EXOC4: variants seen among roughly 807,000 people sequenced by gnomAD.
EXOC4 encodes exocyst complex component 4.
EXOC4 carries 71 observed loss-of-function variants against 107.2 expected under a neutral mutation model. The observed-to-expected ratio is 0.66, with a 90% CI of 0.55 to 0.81. The LOEUF (loss-of-function observed/expected upper bound fraction) is 0.81, where lower values mean the gene tolerates loss of function less well. Ranked by LOEUF, EXOC4 falls within the 30% of genes least tolerant of loss-of-function variation. The pLI, the probability that EXOC4 is intolerant of heterozygous loss-of-function variation, is 0.00. For synonymous variants in EXOC4, 456 were observed against 441.2 expected (o/e 1.03, Z -0.42); for missense variants, 1,108 against 1,189.6 (o/e 0.93, Z 1.01).
At chr7:133,424,181 G>C (rs547051618) in intron 7 of EXOC4, among the ~76,000 whole-genome samples, 1 of 152,124 alleles carries the variant, frequency 6.6e-6, no homozygotes, top group East Asian at 1.9e-4. Context: ...CACCTTCCAC[G>C]CTCTGGTAGC....
chr7:133,857,884 T>C (rs1798452159), intron 11 of EXOC4, among the ~76,000 whole-genome samples: 1 of 152,058 alleles, frequency 6.6e-6, no homozygotes, highest in Non-Finnish European at 1.5e-5. Flanking sequence ...GGGAGGCATG[T>C]CTTTGCCTCA....
rs1231284613 is a variant in EXOC4 at position 133,823,863 on chromosome 7, AT to A, written c.1734+6320del. Among the ~76,000 whole-genome samples, 159 of 17,030 alleles carry A rather than the reference AT, an allele frequency of 9.3e-3. 8 individuals carry two copies. Among genetic ancestry groups the A allele is most frequent in the African/African-American group, 0.084 (136 of 1,624 alleles). The allele number at this position is 17,030 out of a possible 152,430, so 11.2% of individuals were successfully genotyped here. A position where few individuals can be genotyped will look rare whatever the true frequency, so the allele number is the denominator to read the frequency against. On this transcript the variant is annotated intron_variant, in intron 11 of 17. Coordinates refer to ENST00000253861, the MANE Select transcript of EXOC4 (RefSeq NM_021807.4). ...ATATATTATATATATATATATATAT[AT>A]ATATATATTATATATATATATATAT...
At chr7:133,738,127 G>T (rs998850523) in intron 10 of EXOC4, among the ~76,000 whole-genome samples, 2 of 151,784 alleles carry the variant, frequency 1.3e-5, no homozygotes, top group Admixed American at 6.6e-5. Flanking sequence ...GGTCAGACTG[G>T]TCTCGGACCC....
intron 5 of EXOC4, among the ~76,000 whole-genome samples, chr7:133,349,163 C>T (rs190827085): frequency 7.9e-5 from 12 of 151,590 alleles, no homozygotes; most frequent in Admixed American, 2.0e-4. Flanking sequence ...CGTCACATAC[C>T]ATAAAGCCTA....
chr7:133,763,370 A>C (rs1340336739), intron 10 of EXOC4, among the ~76,000 whole-genome samples: 2 of 152,292 alleles, frequency 1.3e-5, no homozygotes, highest in South Asian at 2.1e-4. Flanking sequence ...TCCATGACTT[A>C]GGAAAAAAAT....
At chr7:133,490,080 A>C (rs1287806236) in intron 9 of EXOC4, among the ~76,000 whole-genome samples, 1 of 152,154 alleles carries the variant, frequency 6.6e-6, no homozygotes, top group African/African-American at 2.4e-5. Flanking sequence ...GAATGTGGTA[A>C]GTCCTCCTAG....
intron 13 of EXOC4, among the ~76,000 whole-genome samples, chr7:133,918,696 A>G (rs1198142060): frequency 6.6e-6 from 1 of 151,834 alleles, no homozygotes; most frequent in Non-Finnish European, 1.5e-5. Context: ...ACTCATTTCC[A>G]TATGGCTGGC....
intron 10 of EXOC4, among the ~76,000 whole-genome samples, chr7:133,690,177 G>T (rs1794389279): frequency 6.6e-6 from 1 of 152,088 alleles, no homozygotes; most frequent in Non-Finnish European, 1.5e-5. Context: ...ATTCCATTTT[G>T]GTTTGGTCTC....
chr7:133,522,285 A>T (rs1381916614), intron 9 of EXOC4, among the ~76,000 whole-genome samples: 1 of 152,166 alleles, frequency 6.6e-6, no homozygotes, highest in Non-Finnish European at 1.5e-5. Flanking sequence ...GCCATAACTT[A>T]GTAGTGATTT....
chr7:133,583,667 G>C (rs969201581), intron 9 of EXOC4, among the ~76,000 whole-genome samples: 13 of 151,964 alleles, frequency 8.6e-5, no homozygotes, highest in African/African-American at 2.9e-4. Flanking sequence ...ATGTCTAGGA[G>C]AAAAAAAAGT....
intron 10 of EXOC4, among the ~76,000 whole-genome samples, chr7:133,721,162 A>C (rs754659697): frequency 6.6e-6 from 1 of 152,006 alleles, no homozygotes; most frequent in Non-Finnish European, 1.5e-5. Context: ...ATGGAGCTTA[A>C]TTTTCATTTT....
chr7:134,050,351 C>G (rs993428315), intron 17 of EXOC4, among the ~76,000 whole-genome samples: 2 of 152,160 alleles, frequency 1.3e-5, no homozygotes, highest in Admixed American at 6.5e-5. Flanking sequence ...GAGCTAGGTG[C>G]TATCAATATC....
At chr7:133,944,608 C>T (rs1476843520) in intron 14 of EXOC4, among the ~76,000 whole-genome samples, 1 of 152,188 alleles carries the variant, frequency 6.6e-6, no homozygotes, top group Non-Finnish European at 1.5e-5. Flanking sequence ...CACTTTCTGA[C>T]TACAAATTGC....
At chr7:133,323,148 C>A (rs1235248971) in intron 5 of EXOC4, among the ~76,000 whole-genome samples, 5 of 152,258 alleles carry the variant, frequency 3.3e-5, no homozygotes, top group African/African-American at 1.2e-4. Flanking sequence ...ACAATCATGT[C>A]ATCTGCAAAC....
intron 7 of EXOC4, among the ~76,000 whole-genome samples, chr7:133,397,296 T>TA (rs1250262910): frequency 6.6e-6 from 1 of 150,392 alleles, no homozygotes; most frequent in Non-Finnish European, 1.5e-5. Context: ...GCCAAATTTT[T>TA]TTTTTTTTTG....
intron 10 of EXOC4, among the ~76,000 whole-genome samples, chr7:133,755,313 T>A (rs532708366): frequency 2.6e-4 from 27 of 103,160 alleles, no homozygotes; most frequent in African/African-American, 8.3e-4. Flanking sequence ...TATATATATA[T>A]TATATATATA....
rs75791522 is a variant in EXOC4, at chr7:133,679,934, A to G, written c.1514+49793A>G. ...ACAAATGATACTGTCTCAATATTAA[A>G]TAGTGGGGGCTTTGTTGTTGTTTTT... On this transcript the variant is annotated intron_variant, in intron 10 of 17. Transcript: ENST00000253861. Among the ~76,000 whole-genome samples, 1,345 of 152,332 alleles carry G rather than the reference A, an allele frequency of 8.8e-3. 24 individuals carry two copies. Among genetic ancestry groups the G allele is most frequent in the African/African-American group, 0.03 (1,249 of 41,570 alleles).
At chr7:134,073,177 GC>G in the EXOC4 span, among the ~76,000 whole-genome samples, 1 of 117,024 alleles carries the variant, frequency 8.5e-6, no homozygotes, top group Admixed American at 1.2e-4. Context: ...TTGCACTCCA[GC>G]CTGGGCAACA....
intron 10 of EXOC4, among the ~76,000 whole-genome samples, chr7:133,753,764 T>A (rs924492474): frequency 3.9e-5 from 6 of 152,090 alleles, no homozygotes; most frequent in African/African-American, 1.4e-4. Context: ...TTTAGTGGCG[T>A]GAACTTGAGG....
Sources: gnomAD v4.1 joint callset for allele counts (sites outside exome capture counted in the v4.1 genomes callset) on GRCh38, gnomAD v4.1.1 for gene constraint, MANE v1.5 for transcripts, NCBI Gene and HGNC (gene_info 2026-07-23, HGNC 2026-07-21) for gene names.